ADGRG2: variants seen among roughly 807,000 people sequenced by gnomAD.
ADGRG2 encodes G protein-coupled receptor 64.
A neutral mutation model predicts 74.1 loss-of-function variants in ADGRG2; 26 were observed. The observed-to-expected ratio is 0.35, with a 90% confidence interval of 0.26 to 0.49. The LOEUF is 0.49. Among genes scored for constraint, ADGRG2 ranks in the 20% least tolerant of loss-of-function variants. The pLI is 0.99. For synonymous variants in ADGRG2, 296 were observed against 295.2 expected, an observed-to-expected ratio of 1.00 and a Z score of -0.03; for missense variants, 619 against 763.1, an observed-to-expected ratio of 0.81 and a Z score of 2.22.
At chrX:19,064,774 T>A (rs2061539728) in intron 3 of ADGRG2, among the ~76,000 whole-genome samples, 1 of 112,290 alleles carries the variant, frequency 8.9e-6, no homozygotes, top group Non-Finnish European at 1.9e-5. Flanking sequence ...ATGGCCTGAA[T>A]TTGAATTGTA....
At chrX:19,062,972 A>G (rs2061509247) in intron 3 of ADGRG2, among the ~76,000 whole-genome samples, 1 of 107,588 alleles carries the variant, frequency 9.3e-6, no homozygotes, top group African/African-American at 3.4e-5. Flanking sequence ...GGAAAATAGA[A>G]TAGTTGTATC....
At chrX:19,122,900 C>T (rs2062633790), upstream of ADGRG2, among the ~76,000 whole-genome samples, 1 of 112,153 alleles carries the variant, frequency 8.9e-6, no homozygotes, top group Admixed American at 9.3e-5. Context: ...CTCAGCGGCT[C>T]ACCTTTAGGG....
At chrX:19,095,847 C>G (rs181367928) in intron 1 of ADGRG2, among the ~76,000 whole-genome samples, 323 of 109,579 alleles carry the variant, frequency 2.9e-3, no homozygotes, top group African/African-American at 0.01. Flanking sequence ...GACCCTCCCC[C>G]ATCTCAATAA....
intron 1 of ADGRG2, among the ~76,000 whole-genome samples, chrX:19,096,149 G>A (rs149271976): frequency 0.017 from 1,901 of 111,483 alleles, 39 homozygotes; most frequent in African/African-American, 0.057. Context: ...GGTGGCTCAC[G>A]CCTGTAATCC....
At chrX:19,021,927 T>C (rs775215370) in intron 13 of ADGRG2, among the ~76,000 whole-genome samples, 155 of 109,165 alleles carry the variant, frequency 1.4e-3, no homozygotes, top group African/African-American at 5.0e-3. Flanking sequence ...GGATTACAAG[T>C]GTGAGCCACT....
intron 6 of ADGRG2, among the ~76,000 whole-genome samples, chrX:19,037,263 C>T (rs1197948825): frequency 8.9e-6 from 1 of 112,214 alleles, no homozygotes; most frequent in Non-Finnish European, 1.9e-5. Flanking sequence ...GGACTGCTCT[C>T]TTCCCTCCAT....
At chrX:19,007,562 A>G (rs766920895) in intron 19 of ADGRG2, among the ~76,000 whole-genome samples, 1 of 112,419 alleles carries the variant, frequency 8.9e-6, no homozygotes, top group East Asian at 2.8e-4. Context: ...TACTGAGCTA[A>G]AGCGCACAGA....
chrX:19,115,679 C>T (rs754950489), intron 1 of ADGRG2, among the ~76,000 whole-genome samples: 7 of 111,153 alleles, frequency 6.3e-5, no homozygotes, highest in Admixed American at 1.9e-4. Context: ...TGGTAGGAGG[C>T]GGCGCGGTGG....
intron 10 of ADGRG2, 144 bp downstream of exon 10, chrX:19,028,039 G>A: frequency 9.6e-6 from 4 of 417,465 alleles, no homozygotes; most frequent in Non-Finnish European, 1.7e-5. Flanking sequence ...ACAAAGCTAG[G>A]GACTCAATTA....
chrX:19,004,663 G>T, intron 23 of ADGRG2, 95 bp downstream of exon 23: 1 of 883,505 alleles, frequency 1.1e-6, no homozygotes, highest in Non-Finnish European at 1.6e-6. Context: ...GGTGTACAGG[G>T]TAAGGCAGGC....
chrX:19,112,983 A>C (rs1327487337), intron 1 of ADGRG2, among the ~76,000 whole-genome samples: 1 of 94,741 alleles, frequency 1.1e-5, no homozygotes, highest in Admixed American at 1.1e-4. Context: ...CAACAAAAAA[A>C]AAACCAAAAA....
chrX:19,019,570 G>A (rs1414867098), intron 15 of ADGRG2, 29 bp downstream of exon 15: 2 of 739,496 alleles, frequency 2.7e-6, no homozygotes, highest in East Asian at 6.5e-5. Context: ...TTTTTTTTAA[G>A]GAGAAGGGTC....
intron 3 of ADGRG2, among the ~76,000 whole-genome samples, chrX:19,064,695 T>C (rs1388886193): frequency 8.9e-6 from 1 of 112,290 alleles, no homozygotes; most frequent in Non-Finnish European, 1.9e-5. Context: ...GAGCCTAGCA[T>C]AGCAGAGAGG....
intron 2 of ADGRG2, among the ~76,000 whole-genome samples, chrX:19,078,564 A>G (rs1234012885): frequency 9.0e-6 from 1 of 111,420 alleles, no homozygotes; most frequent in Non-Finnish European, 1.9e-5. Context: ...CTCAAAAACA[A>G]AAAAGATAAA....
intron 15 of ADGRG2, among the ~76,000 whole-genome samples, chrX:19,019,093 C>T (rs1016472180): frequency 1.2e-4 from 14 of 112,227 alleles, no homozygotes; most frequent in Non-Finnish European, 2.4e-4. Flanking sequence ...GATCCGCCCA[C>T]CTTGGCCTCC....
chrX:19,063,453 T>C (rs1226216070), intron 3 of ADGRG2, among the ~76,000 whole-genome samples: 1 of 112,565 alleles, frequency 8.9e-6, no homozygotes, highest in Non-Finnish European at 1.9e-5. Flanking sequence ...TCTTCCTAGC[T>C]GTGGGACCTC....
intron 1 of ADGRG2, 71 bp downstream of exon 1, chrX:19,122,371 C>G (rs1402461299): frequency 2.7e-5 from 3 of 112,257 alleles, no homozygotes. Context: ...CTCCAGCGCC[C>G]GTGGCCGGCT....
intron 3 of ADGRG2, among the ~76,000 whole-genome samples, chrX:19,051,161 G>A (rs1019698769): frequency 7.2e-5 from 8 of 111,748 alleles, no homozygotes; most frequent in Non-Finnish European, 1.1e-4. Context: ...TGCAAGCTCC[G>A]CCTTCCTGGT....
intron 8 of ADGRG2, chrX:19,032,102 G>C (rs907478651): frequency 4.5e-5 from 5 of 111,660 alleles, no homozygotes; most frequent in Non-Finnish European, 7.5e-5. Flanking sequence ...AACTAGTTTG[G>C]GTACAAACTA....
Sources: allele counts gnomAD v4.1 joint callset (sites outside exome capture counted in the v4.1 genomes callset), GRCh38; gene constraint gnomAD v4.1.1; transcripts MANE v1.5; gene names NCBI Gene and HGNC (gene_info 2026-07-23, HGNC 2026-07-21).